The following RNGTT variants were observed in gnomAD, a reference collection of about 807,000 sequenced individuals.
RNGTT encodes RNA guanylyltransferase and 5'-phosphatase, also known as mRNA-capping enzyme.
In RNGTT, 33 loss-of-function variants were observed where a neutral mutation model predicts 79.3. The ratio of observed to expected loss-of-function variants is 0.42; its 90% confidence interval spans 0.32 to 0.56. RNGTT has a LOEUF of 0.56. Ranked by LOEUF, RNGTT falls within the 20% of genes least tolerant of loss-of-function variation. RNGTT has a pLI of 0.17. For synonymous variants in RNGTT, 222 were observed against 235.9 expected (o/e 0.94, Z 0.54); for missense variants, 497 against 739.1 (o/e 0.67, Z 3.80).
At chr6:88,814,264 T>TTA (rs765333668) in intron 11 of RNGTT, among the ~76,000 whole-genome samples, 21 of 152,308 alleles carry the variant, frequency 1.4e-4, no homozygotes, top group Non-Finnish European at 2.6e-4. Context: ...AAGACAACAG[T>TTA]AATAACGTCC....
chr6:88,894,081 CTG>C (rs1783144182), intron 6 of RNGTT, among the ~76,000 whole-genome samples: 1 of 152,140 alleles, frequency 6.6e-6, no homozygotes, highest in Non-Finnish European at 1.5e-5. Flanking sequence ...GATCTAGAAA[CTG>C]TTTCAAGATT....
chr6:88,821,881 TA>T (rs35445708), intron 11 of RNGTT, among the ~76,000 whole-genome samples: 109 of 139,038 alleles, frequency 7.8e-4, no homozygotes, highest in Non-Finnish European at 8.5e-4. Context: ...ATTAGGCCAC[TA>T]AAAAAAAAAA....
intron 1 of RNGTT, among the ~76,000 whole-genome samples, chr6:88,960,118 G>C (rs555885853): frequency 6.6e-6 from 1 of 152,200 alleles, no homozygotes; most frequent in African/African-American, 2.4e-5. Flanking sequence ...CCACAATAGA[G>C]TCATTGCTAC....
chr6:88,827,812 A>T (rs570819616), intron 11 of RNGTT, among the ~76,000 whole-genome samples: 4 of 152,284 alleles, frequency 2.6e-5, no homozygotes, highest in African/African-American at 9.6e-5. Flanking sequence ...TCAGCTCCAC[A>T]AACTGCTGTA....
At chr6:88,697,486 G>A (rs1775719669) in intron 13 of RNGTT, among the ~76,000 whole-genome samples, 1 of 152,020 alleles carries the variant, frequency 6.6e-6, no homozygotes, top group South Asian at 2.1e-4. Flanking sequence ...GGGAGGCGGA[G>A]CTTGTAGTGA....
At chr6:88,948,473 G>A (rs1360867782) in intron 1 of RNGTT, among the ~76,000 whole-genome samples, 46 of 134,568 alleles carry the variant, frequency 3.4e-4, no homozygotes, top group African/African-American at 8.9e-4. Context: ...CAGCCGCCCC[G>A]TCCGGGAGGG....
At chr6:88,751,000 C>T (rs548247216) in intron 13 of RNGTT, among the ~76,000 whole-genome samples, 39 of 152,258 alleles carry the variant, frequency 2.6e-4, no homozygotes, top group Admixed American at 1.5e-3. Context: ...GCTTATCCAT[C>T]GTTTTATTCA....
chr6:88,910,584 AC>A, intron 4 of RNGTT, among the ~76,000 whole-genome samples: 1 of 152,258 alleles, frequency 6.6e-6, no homozygotes, highest in Admixed American at 6.5e-5. Flanking sequence ...AATATAATCC[AC>A]AAAAATGTCT....
chr6:88,704,833 T>G (rs1776076936), intron 13 of RNGTT, among the ~76,000 whole-genome samples: 1 of 149,798 alleles, frequency 6.7e-6, no homozygotes, highest in South Asian at 2.2e-4. Flanking sequence ...TCATCTTGGC[T>G]CTTTCCCATC....
intron 12 of RNGTT, among the ~76,000 whole-genome samples, chr6:88,771,317 A>ATG (rs1562244169): frequency 2.9e-5 from 1 of 34,984 alleles, no homozygotes; most frequent in Non-Finnish European, 6.8e-5. Context: ...GTGTGTGTGT[A>ATG]TATATATATA....
At chr6:88,670,681 A>T (rs184113996) in intron 14 of RNGTT, among the ~76,000 whole-genome samples, 3 of 152,178 alleles carry the variant, frequency 2.0e-5, no homozygotes, top group Admixed American at 2.0e-4. Context: ...ATATTGTATG[A>T]GGAAGACTTG....
chr6:88,862,932 T>C lies in RNGTT; in HGVS notation c.897-9168A>G, dbSNP rs192910177. ...CTACAGTTATTTTTGTTTTGACTTATTGATTCTGTAAGTACAGCAGGCCTC... is the reference window on the plus strand; with the variant it reads ...CTACAGTTATTTTTGTTTTGACTTACTGATTCTGTAAGTACAGCAGGCCTC... On this transcript the variant is annotated intron_variant, in intron 8 of 15. Transcript: ENST00000369485. 7.2e-5 allele frequency among the ~76,000 whole-genome samples: 11 copies of C among 152,340 alleles called. No individual in the cohort carries two copies. In the East Asian group the frequency reaches 2.1e-3, roughly 29 times the overall value.
intron 11 of RNGTT, among the ~76,000 whole-genome samples, chr6:88,809,599 C>T (rs1327438368): frequency 6.6e-6 from 1 of 152,084 alleles, no homozygotes; most frequent in African/African-American, 2.4e-5. Context: ...TTAAATAACA[C>T]ACTTCTAAAT....
intron 12 of RNGTT, among the ~76,000 whole-genome samples, chr6:88,771,337 A>C (rs1167993349): frequency 7.6e-6 from 1 of 131,198 alleles, no homozygotes; most frequent in African/African-American, 3.1e-5. Flanking sequence ...ATATATATAT[A>C]TATATATATA....
intron 13 of RNGTT, among the ~76,000 whole-genome samples, chr6:88,763,641 A>T (rs1254533272): frequency 6.6e-6 from 1 of 152,204 alleles, no homozygotes; most frequent in African/African-American, 2.4e-5. Context: ...AAGAGTGATA[A>T]AGAGGAAGTA....
intron 14 of RNGTT, among the ~76,000 whole-genome samples, chr6:88,621,082 G>T (rs566877413): frequency 6.6e-5 from 10 of 152,220 alleles, no homozygotes; most frequent in African/African-American, 2.2e-4. Context: ...TTGGCTTGGA[G>T]GTGCTGTGTA....
chr6:88,710,354 C>T (rs1776277521), intron 13 of RNGTT, among the ~76,000 whole-genome samples: 2 of 152,074 alleles, frequency 1.3e-5, no homozygotes, highest in South Asian at 4.1e-4. Context: ...AAGACAATTG[C>T]CTTTATCTGC....
At chr6:88,625,114 A>G (rs960067643) in intron 14 of RNGTT, among the ~76,000 whole-genome samples, 1 of 151,984 alleles carries the variant, frequency 6.6e-6, no homozygotes, top group African/African-American at 2.4e-5. Flanking sequence ...CTGAACTCTC[A>G]TATATTGCTA....
rs9451085 is a variant in RNGTT at position 88,784,032 on chromosome 6, T to G, written c.1339-14158A>C. Among the ~76,000 whole-genome samples, 1,485 of 152,202 alleles carry G rather than the reference T, an allele frequency of 9.8e-3. 17 individuals are homozygous for G. Among genetic ancestry groups the G allele is most frequent in the African/African-American group, 0.034 (1,394 of 41,522 alleles). ...AGCAGTTACAAAAAACTGTGAAGAA[T>G]TTAATGAAAGATGAAGTTCAGAGTG... On this transcript the variant is annotated intron_variant, in intron 12 of 15. Coordinates refer to ENST00000369485, the MANE Select transcript of RNGTT (RefSeq NM_003800.5).
Sources: allele counts gnomAD v4.1 joint callset (sites outside exome capture counted in the v4.1 genomes callset), GRCh38; gene constraint gnomAD v4.1.1; transcripts MANE v1.5; gene names NCBI Gene and HGNC (gene_info 2026-07-23, HGNC 2026-07-21).